The following NR3C1 variants were observed in gnomAD, a reference collection of about 807,000 sequenced individuals.
NR3C1 encodes nuclear receptor subfamily 3 group C member 1, also known as glucocorticoid receptor.
Under a neutral mutation model 74.0 loss-of-function variants are expected in NR3C1, and 14 were observed. That is an observed-to-expected ratio of 0.19 (90% CI 0.12 to 0.30). The LOEUF (loss-of-function observed/expected upper bound fraction) is 0.30, where lower values mean the gene tolerates loss of function less well. Ranked by LOEUF, NR3C1 falls within the 10% of genes least tolerant of loss-of-function variation. NR3C1 has a pLI of 1.00. For missense variants in NR3C1, 695 were observed against 909.8 expected (o/e 0.76, Z 3.04); for synonymous variants, 308 against 332.5 (o/e 0.93, Z 0.80).
chr5:143,433,456 A>ATC (rs1751952081), intron 1 of NR3C1, among the ~76,000 whole-genome samples: 2 of 46,714 alleles, frequency 4.3e-5, no homozygotes, highest in Middle Eastern at 0.01. Context: ...TTTAAATTAT[A>ATC]TATATATATA....
intron 2 of NR3C1, chr5:143,390,000 C>G (rs907030392): frequency 2.3e-5 from 19 of 831,596 alleles, no homozygotes; most frequent in Non-Finnish European, 2.5e-5. Context: ...TCTAAAAAAT[C>G]TAAAGTTCTT....
At chr5:143,291,302 T>C (rs1815887541) in intron 7 of NR3C1, among the ~76,000 whole-genome samples, 1 of 152,176 alleles carries the variant, frequency 6.6e-6, no homozygotes, top group Non-Finnish European at 1.5e-5. Flanking sequence ...CTTGGCTCTC[T>C]GCAACCTCTA....
chr5:143,377,084 G>C (rs537316685), intron 2 of NR3C1, among the ~76,000 whole-genome samples: 1 of 152,242 alleles, frequency 6.6e-6, no homozygotes, highest in African/African-American at 2.4e-5. Context: ...CCATCCTTAT[G>C]ATTTCATTCC....
At chr5:143,304,756 C>T (rs150382402) in intron 4 of NR3C1, among the ~76,000 whole-genome samples, 2 of 152,010 alleles carry the variant, frequency 1.3e-5, no homozygotes, top group African/African-American at 4.8e-5. Context: ...CACACACCTA[C>T]AGCCATGTAA....
upstream of NR3C1, chr5:143,404,556 G>A (rs1840951985): frequency 1.2e-5 from 12 of 973,452 alleles, no homozygotes; most frequent in Non-Finnish European, 1.5e-5. Flanking sequence ...AGGCGGCGGC[G>A]GCGGCAGAAG....
chr5:143,292,058 G>T (rs1816061881), intron 7 of NR3C1, among the ~76,000 whole-genome samples: 1 of 152,198 alleles, frequency 6.6e-6, no homozygotes, highest in South Asian at 2.1e-4. Context: ...TATCAAAACT[G>T]AAGTAATTAG....
intron 2 of NR3C1, among the ~76,000 whole-genome samples, chr5:143,345,703 T>G (rs1202472898): frequency 1.3e-5 from 2 of 152,232 alleles, no homozygotes. Context: ...ACCATCACTA[T>G]GATCACTATC....
intron 1 of NR3C1, among the ~76,000 whole-genome samples, chr5:143,424,227 T>TA (rs1313084728): frequency 1.5e-5 from 1 of 66,560 alleles, no homozygotes; most frequent in Non-Finnish European, 2.7e-5. Context: ...ATAAATAAAA[T>TA]AAAAAATAAA....
intron 2 of NR3C1, among the ~76,000 whole-genome samples, chr5:143,356,740 C>G (rs1831217510): frequency 6.6e-6 from 1 of 150,788 alleles, no homozygotes; most frequent in Non-Finnish European, 1.5e-5. Flanking sequence ...ACTAAATTAT[C>G]CTATACTTCT....
exon 1 of NR3C1, chr5:143,435,351 C>G (rs1021975479): frequency 5.1e-6 from 5 of 985,364 alleles, no homozygotes; most frequent in Non-Finnish European, 6.0e-6. Context: ...TTCTCCTTCT[C>G]TCTGCCATTT....
At chr5:143,369,459 A>C (rs757322127) in intron 2 of NR3C1, among the ~76,000 whole-genome samples, 7 of 152,250 alleles carry the variant, frequency 4.6e-5, no homozygotes, top group Non-Finnish European at 1.0e-4. Flanking sequence ...ACCATCAGCT[A>C]AGGAGTGGAT....
intron 4 of NR3C1, among the ~76,000 whole-genome samples, chr5:143,303,842 G>A (rs1819020741): frequency 6.6e-6 from 1 of 152,064 alleles, no homozygotes; most frequent in African/African-American, 2.4e-5. Context: ...CTCAATAGAT[G>A]CAGAAAAAGT....
intron 2 of NR3C1, among the ~76,000 whole-genome samples, chr5:143,321,471 T>TA (rs1823356592): frequency 1.3e-5 from 2 of 152,210 alleles, no homozygotes; most frequent in African/African-American, 4.8e-5. Context: ...CCTCTTGCTT[T>TA]AACCACTGCA....
At chr5:143,411,680 TA>T (rs1455054948) in intron 1 of NR3C1, among the ~76,000 whole-genome samples, 2 of 152,228 alleles carry the variant, frequency 1.3e-5, no homozygotes, top group East Asian at 1.9e-4. Flanking sequence ...AAGAGTGTTA[TA>T]TTTTTTCTTG....
chr5:143,351,478 T>C (rs191875148), intron 2 of NR3C1, among the ~76,000 whole-genome samples: 101 of 152,242 alleles, frequency 6.6e-4, no homozygotes, highest in African/African-American at 2.3e-3. Flanking sequence ...TCCTCTTTTG[T>C]TGAGGAAAAA....
chr5:143,354,277 T>C (rs576256494), intron 2 of NR3C1, among the ~76,000 whole-genome samples: 4 of 152,334 alleles, frequency 2.6e-5, no homozygotes, highest in East Asian at 3.9e-4. Context: ...TTTGCTGGAG[T>C]AGCACTAGTT....
At position 143,400,647 on chromosome 5, in the gene NR3C1, A is replaced by C. The variant is rs6192; in HGVS notation, c.193T>G (p.Phe65Val). Residue 65 changes from phenylalanine (F) to valine (V), a missense_variant, in exon 2 of 9, where the codon TTT (phenylalanine) becomes GTT (valine). Physicochemically the swap from Phe to Val is conservative, Grantham distance 50. Transcript: ENST00000394464. ...DSKQRRLLVD[F>V]PKGSVSNAQQ... The stretch of plus-strand genomic sequence containing the variant: ...GCATTGCTTACTGAGCCTTTTGGAA[A>C]ATCAACCAAAAGTCTTCGCTGCTTG... 1,270 of 1,614,040 alleles carry C rather than the reference A, an allele frequency of 7.9e-4. 4 individuals are homozygous for C. In the African/African-American group the frequency reaches 0.015, roughly 19 times the overall value.
At chr5:143,374,087 T>C (rs919343616) in intron 2 of NR3C1, among the ~76,000 whole-genome samples, 17 of 152,208 alleles carry the variant, frequency 1.1e-4, no homozygotes, top group African/African-American at 4.1e-4. Context: ...GGATGATCAT[T>C]ATCCAATATT....
At chr5:143,323,796 G>A (rs1054226923) in intron 2 of NR3C1, among the ~76,000 whole-genome samples, 2 of 152,110 alleles carry the variant, frequency 1.3e-5, no homozygotes, top group African/African-American at 4.8e-5. Context: ...CAGGGGGTAG[G>A]GGGGTGTCAC....
Sources: allele counts gnomAD v4.1 joint callset (sites outside exome capture counted in the v4.1 genomes callset), GRCh38; gene constraint gnomAD v4.1.1; transcripts MANE v1.5; gene names NCBI Gene and HGNC (gene_info 2026-07-23, HGNC 2026-07-21).